SLC2A13: variants seen among roughly 807,000 people sequenced by gnomAD.
SLC2A13 encodes the protein solute carrier family 2 member 13.
In SLC2A13, 32 loss-of-function variants were observed where a neutral mutation model predicts 64.4. The observed-to-expected ratio is 0.50, with a 90% CI of 0.37 to 0.67. The LOEUF is 0.67. Ranked by LOEUF, SLC2A13 falls within the 30% of genes least tolerant of loss-of-function variation. SLC2A13 has a pLI of 0.00. For missense variants in SLC2A13, 743 were observed against 829.2 expected, an observed-to-expected ratio of 0.90 and a Z score of 1.28; for synonymous variants, 338 against 327.1, an observed-to-expected ratio of 1.03 and a Z score of -0.36.
chr12:39,782,967 C>G (rs1211181077), intron 7 of SLC2A13, among the ~76,000 whole-genome samples: 1 of 152,090 alleles, frequency 6.6e-6, no homozygotes, highest in Non-Finnish European at 1.5e-5. Flanking sequence ...GTGTGCTGCA[C>G]CCATTAACTC....
intron 1 of SLC2A13, among the ~76,000 whole-genome samples, chr12:40,102,468 C>T (rs1441771830): frequency 1.3e-5 from 2 of 151,708 alleles, no homozygotes; most frequent in Non-Finnish European, 2.9e-5. Flanking sequence ...TTCATTTATT[C>T]AACAAGTATC....
intron 6 of SLC2A13, among the ~76,000 whole-genome samples, chr12:39,834,619 A>G (rs1942956937): frequency 6.6e-6 from 1 of 152,026 alleles, no homozygotes; most frequent in South Asian, 2.1e-4. Context: ...AAGGAGGTCA[A>G]GTATCAAAAA....
At chr12:39,815,418 A>T (rs934771848) in intron 7 of SLC2A13, among the ~76,000 whole-genome samples, 1 of 152,228 alleles carries the variant, frequency 6.6e-6, no homozygotes, top group Admixed American at 6.5e-5. Context: ...AATAAATCGA[A>T]CAGGTTCTTT....
At chr12:40,090,049 TTTTG>T (rs898112510) in intron 1 of SLC2A13, among the ~76,000 whole-genome samples, 25 of 152,312 alleles carry the variant, frequency 1.6e-4, no homozygotes, top group Admixed American at 8.5e-4. Context: ...TGCTCACTTA[TTTTG>T]TTTATTAACA....
intron 1 of SLC2A13, among the ~76,000 whole-genome samples, chr12:40,099,184 GAA>G (rs1319501247): frequency 6.6e-6 from 1 of 152,310 alleles, no homozygotes; most frequent in South Asian, 2.1e-4. Flanking sequence ...TTACATGTGG[GAA>G]AAGTTTGAGG....
chr12:39,925,575 CT>C (rs1024505532), intron 4 of SLC2A13, among the ~76,000 whole-genome samples: 2 of 152,224 alleles, frequency 1.3e-5, no homozygotes, highest in Admixed American at 6.5e-5. Flanking sequence ...AAATAATTAA[CT>C]TTTTTTCCTT....
At position 39,918,011 on chromosome 12, in the gene SLC2A13, A is replaced by G. The variant is rs529843980; in HGVS notation, c.1034+33246T>C. Among the ~76,000 whole-genome samples, 186 of 152,266 alleles carry G rather than the reference A, an allele frequency of 1.2e-3. 2 individuals carry two copies. The highest frequency in any genetic ancestry group is 4.1e-3 in the African/African-American group (170 of 41,526). On this transcript the variant is annotated intron_variant, in intron 4 of 9. Transcript: ENST00000280871. The stretch of plus-strand genomic sequence containing the variant: ...GAAACAAAACAAAACTTGATTGACA[A>G]TGAGGAAATGTGCATACAAACAATT...
chr12:39,999,762 T>C (rs1440684475), intron 3 of SLC2A13, among the ~76,000 whole-genome samples: 1 of 152,244 alleles, frequency 6.6e-6, no homozygotes, highest in African/African-American at 2.4e-5. Flanking sequence ...TGCCCTTTGC[T>C]GTTTCCTCAG....
chr12:39,979,968 G>A (rs1313861422), intron 3 of SLC2A13, among the ~76,000 whole-genome samples: 12 of 148,938 alleles, frequency 8.1e-5, no homozygotes, highest in Non-Finnish European at 1.5e-4. Flanking sequence ...GACTAACAGC[G>A]GATCTCTCGG....
intron 4 of SLC2A13, among the ~76,000 whole-genome samples, chr12:39,932,109 G>T (rs1463900629): frequency 2.0e-5 from 3 of 152,152 alleles, no homozygotes; most frequent in Non-Finnish European, 2.9e-5. Context: ...TTTCTTCCAT[G>T]CTGCTTTCAG....
In SLC2A13 at chr12:39,756,662, T is replaced by G. The variant is rs1056930040; in HGVS notation, c.*3364A>C. The G allele has an allele frequency of 3.3e-5, 5 of 151,736 alleles. No individual in the cohort carries two copies. Among genetic ancestry groups the G allele is most frequent in the African/African-American group, 7.2e-5 (3 of 41,416 alleles). The allele number at this position is 151,736 out of a possible 1,614,324, so 9.4% of individuals were successfully genotyped here. Reference sequence around the variant, plus strand: ...TGGATCTGTGAGTTATTCTAATATATTTTCAATATTATTTTGTTGTTAAAA... The same window carrying G: ...TGGATCTGTGAGTTATTCTAATATAGTTTCAATATTATTTTGTTGTTAAAA... On this transcript the variant is annotated 3_prime_UTR_variant, in exon 10 of 10. Transcript: ENST00000280871.
At chr12:39,921,913 A>G (rs1372003655) in intron 4 of SLC2A13, among the ~76,000 whole-genome samples, 1 of 151,518 alleles carries the variant, frequency 6.6e-6, no homozygotes, top group African/African-American at 2.5e-5. Flanking sequence ...TATAAATCCA[A>G]CAAAAGTGCT....
At chr12:40,066,344 T>C (rs1937725673) in intron 1 of SLC2A13, among the ~76,000 whole-genome samples, 1 of 152,172 alleles carries the variant, frequency 6.6e-6, no homozygotes, top group Admixed American at 6.5e-5. Context: ...AAAACGTCAC[T>C]ATCCTAAAGG....
chr12:39,783,758 G>T (rs554392561), intron 7 of SLC2A13, among the ~76,000 whole-genome samples: 1 of 152,182 alleles, frequency 6.6e-6, no homozygotes, highest in South Asian at 2.1e-4. Flanking sequence ...GTAGATTCTG[G>T]ATATTAGATG....
chr12:39,760,491 G>A (rs1364030774), intron 9 of SLC2A13, among the ~76,000 whole-genome samples: 4 of 152,000 alleles, frequency 2.6e-5, no homozygotes, highest in Non-Finnish European at 4.4e-5. Context: ...AGGCTCAGAT[G>A]TAAGTTTGGC....
At chr12:39,961,158 A>G (rs1362969190) in intron 3 of SLC2A13, among the ~76,000 whole-genome samples, 1 of 151,562 alleles carries the variant, frequency 6.6e-6, no homozygotes, top group East Asian at 1.9e-4. Context: ...GCTCACTGCA[A>G]CCTCTGCCTC....
At chr12:39,871,330 T>C (rs1049904848) in intron 5 of SLC2A13, among the ~76,000 whole-genome samples, 1 of 152,186 alleles carries the variant, frequency 6.6e-6, no homozygotes, top group Non-Finnish European at 1.5e-5. Context: ...AGTTTGTCCC[T>C]GCTTTGTGAA....
At position 39,764,867 on chromosome 12, in the gene SLC2A13, T is replaced by C; in HGVS notation, c.1446-9A>G. 6.2e-7 allele frequency: 1 copy of C among 1,610,092 alleles called. No homozygotes were observed. The highest frequency in any genetic ancestry group is 1.1e-5 in the South Asian group (1 of 90,804). ...TGGTTTCATTTTCACACCTGAAAAATAATGCAATATAAGTATTAACTTAAT... is the reference window on the plus strand; with the variant it reads ...TGGTTTCATTTTCACACCTGAAAAACAATGCAATATAAGTATTAACTTAAT... On this transcript the variant is annotated splice_polypyrimidine_tract_variant and intron_variant, in intron 7 of 9. Coordinates refer to ENST00000280871, the MANE Select transcript of SLC2A13 (RefSeq NM_052885.4).
At chr12:40,064,329 T>A (rs1234145484) in intron 1 of SLC2A13, among the ~76,000 whole-genome samples, 1 of 152,102 alleles carries the variant, frequency 6.6e-6, no homozygotes, top group African/African-American at 2.4e-5. Context: ...ACACATACCC[T>A]TAATCCATTT....
Sources: gnomAD v4.1 joint callset for allele counts (sites outside exome capture counted in the v4.1 genomes callset) on GRCh38, gnomAD v4.1.1 for gene constraint, MANE v1.5 for transcripts, NCBI Gene and HGNC (gene_info 2026-07-23, HGNC 2026-07-21) for gene names.